MAEA: variants seen among roughly 807,000 people sequenced by gnomAD.
MAEA encodes E3 ubiquitin-protein transferase MAEA.
A neutral mutation model predicts 46.2 loss-of-function variants in MAEA; 22 were observed. That is an observed-to-expected ratio of 0.48 (90% CI 0.34 to 0.68). The LOEUF is 0.68. Among genes scored for constraint, MAEA ranks in the 30% least tolerant of loss-of-function variants. The pLI is 0.01. For missense variants in MAEA, 393 were observed against 558.1 expected, an observed-to-expected ratio of 0.70 and a Z score of 2.98; for synonymous variants, 246 against 222.6, an observed-to-expected ratio of 1.11 and a Z score of -0.94.
chr4:1,303,232 C>CAAA (rs71168823), intron 1 of MAEA, among the ~76,000 whole-genome samples: 2,872 of 65,612 alleles, frequency 0.044, 232 homozygotes, highest in African/African-American at 0.16. Context: ...ACTAAAAATA[C>CAAA]AAAAAAAAAA....
intron 1 of MAEA, among the ~76,000 whole-genome samples, chr4:1,292,902 T>TC (rs1198892983): frequency 6.7e-6 from 1 of 150,252 alleles, no homozygotes; most frequent in Non-Finnish European, 1.5e-5. Context: ...TTTTTTTTTT[T>TC]TTCTTTTTTG....
At chr4:1,337,315 C>T (rs1264902417) in intron 7 of MAEA, 3 of 281,554 alleles carry the variant, frequency 1.1e-5, no homozygotes, top group Non-Finnish European at 1.8e-5. Context: ...ATAGTTTTCC[C>T]GTGTGATTAC....
chr4:1,319,905 A>G (rs532979569), intron 3 of MAEA, among the ~76,000 whole-genome samples: 31 of 152,186 alleles, frequency 2.0e-4, no homozygotes, highest in Admixed American at 1.8e-3. Context: ...CAAACATGCA[A>G]GAAAACGCTA....
At chr4:1,312,185 C>G in intron 2 of MAEA, 24 bp downstream of exon 2, 1 of 1,613,296 alleles carries the variant, frequency 6.2e-7, no homozygotes, top group Non-Finnish European at 8.5e-7. Context: ...GGCGGTCCCT[C>G]TTCAGTCTGG....
intron 4 of MAEA, 31 bp from the exon 5 acceptor site, chr4:1,327,596 G>T: frequency 6.4e-7 from 1 of 1,574,510 alleles, no homozygotes; most frequent in African/African-American, 1.3e-5. Context: ...GGGATGTGCT[G>T]TCTAAGCCCT....
At chr4:1,291,286 C>G (rs963130974) in intron 1 of MAEA, among the ~76,000 whole-genome samples, 1 of 152,138 alleles carries the variant, frequency 6.6e-6, no homozygotes, top group South Asian at 2.1e-4. Flanking sequence ...GTGTGAGCCA[C>G]GCGCCCGCCA....
intron 1 of MAEA, among the ~76,000 whole-genome samples, chr4:1,302,748 G>A (rs891472276): frequency 2.2e-4 from 33 of 152,298 alleles, no homozygotes; most frequent in Admixed American, 3.9e-4. Flanking sequence ...CCAAAGTGCT[G>A]GGATTATAGG....
chr4:1,310,895 T>C (rs1736414384), intron 1 of MAEA, among the ~76,000 whole-genome samples: 1 of 152,242 alleles, frequency 6.6e-6, no homozygotes, highest in African/African-American at 2.4e-5. Flanking sequence ...CAGTCCTGTC[T>C]CTGTTGCCCT....
At chr4:1,328,785 C>G (rs937843837) in intron 5 of MAEA, 1 of 1,106,764 alleles carries the variant, frequency 9.0e-7, no homozygotes, top group African/African-American at 1.7e-5. Context: ...GGTCCTGCTC[C>G]GGCTCCTGAT....
chr4:1,318,564 G>A (rs565261946), intron 3 of MAEA, among the ~76,000 whole-genome samples: 2 of 152,326 alleles, frequency 1.3e-5, no homozygotes, highest in East Asian at 1.9e-4. Context: ...GAGCCCATGA[G>A]GACTGGGTTG....
chr4:1,309,401 G>T, intron 1 of MAEA: 1 of 1,262,412 alleles, frequency 7.9e-7, no homozygotes, highest in Non-Finnish European at 1.0e-6. Context: ...CCGGAGTCAC[G>T]TGCTGAGTCC....
At position 1,327,676 on chromosome 4, in the gene MAEA, G is replaced by A. The variant is rs1449700285; in HGVS notation, c.629G>A (p.Arg210Gln). 4 of 1,613,920 alleles carry A rather than the reference G, an allele frequency of 2.5e-6. No individual in the cohort carries two copies. The highest frequency in any genetic ancestry group is 1.7e-5 in the Admixed American group (1 of 60,024). ...LRIQEFIELIRQNKRLDAVRH... is the reference protein window; with the variant it reads ...LRIQEFIELIQQNKRLDAVRH... ...ATCCAGGAGTTCATTGAACTCATCC[G>A]GCAGAATAAGAGACTGGACGCTGTG... is the stretch of plus-strand genomic sequence containing the variant. The change falls in exon 5 of 9, where the codon CGG becomes CAG. Residue 210 changes from arginine (R) to glutamine (Q), a missense_variant. By Grantham distance (43) the Arg-to-Gln change is conservative. This residue lies in a region of MAEA where 358 missense variants were observed against 537.9 expected (regional missense o/e 0.67). Coordinates refer to ENST00000303400, the MANE Select transcript of MAEA (RefSeq NM_001017405.3).
intron 6 of MAEA, chr4:1,334,976 C>T: frequency 1.0e-6 from 1 of 985,420 alleles, no homozygotes; most frequent in African/African-American, 1.7e-5. Flanking sequence ...GAGAAGCTTA[C>T]AGAGACTGAT....
chr4:1,305,562 A>T (rs1462989980), intron 1 of MAEA, among the ~76,000 whole-genome samples: 2 of 152,128 alleles, frequency 1.3e-5, no homozygotes, highest in Non-Finnish European at 2.9e-5. Context: ...CCTTTTAAAG[A>T]ACTAAGCGCT....
chr4:1,307,496 C>T (rs1472607490), intron 1 of MAEA, among the ~76,000 whole-genome samples: 1 of 152,238 alleles, frequency 6.6e-6, no homozygotes, highest in African/African-American at 2.4e-5. Context: ...GGATTGCCTT[C>T]TTTTAAAAGG....
intron 4 of MAEA, among the ~76,000 whole-genome samples, chr4:1,324,482 G>A (rs534571581): frequency 6.6e-6 from 1 of 151,040 alleles, no homozygotes; most frequent in Non-Finnish European, 1.5e-5. Flanking sequence ...GACCGTGCCT[G>A]GTGTTGGATA....
Position 1,289,953 on chromosome 4 carries a change from C to T in MAEA, c.40C>T (p.Leu14=), listed in dbSNP as rs377160765. The change falls in exon 1 of 9, where the codon CTG becomes TTG. Residue 14 remains leucine, a synonymous_variant. Transcript: ENST00000303400. The part of the protein sequence containing the change: ...QESAAQLSMT[L]KVQEYPTLKV... ...GTCGGCGGCTCAGTTGTCCATGACC[C>T]TGAAGGTCCAGGAGTACCCGACCCT... The T allele has an allele frequency of 1.2e-6, 2 of 1,601,550 alleles. No individual in the cohort carries two copies. Among genetic ancestry groups the T allele is most frequent in the African/African-American group, 1.3e-5 (1 of 74,338 alleles).
chr4:1,330,083 T>G, intron 5 of MAEA: 1 of 985,518 alleles, frequency 1.0e-6, no homozygotes, highest in South Asian at 4.7e-5. Context: ...AGCTCCGCCC[T>G]GCCTGGGGCA....
intron 5 of MAEA, chr4:1,328,763 G>A (rs973757168): frequency 1.7e-6 from 2 of 1,167,268 alleles, no homozygotes; most frequent in South Asian, 3.2e-5. Flanking sequence ...CGTGGACCCT[G>A]GAGAGGCCCG....
Sources: gnomAD v4.1 joint callset for allele counts (sites outside exome capture counted in the v4.1 genomes callset) on GRCh38, gnomAD v4.1.1 for gene constraint, gnomAD v4.1.1 regional missense constraint, MANE v1.5 for transcripts, NCBI Gene and HGNC (gene_info 2026-07-23, HGNC 2026-07-21) for gene names.